The following GPC5 variants were observed in gnomAD, a reference collection of about 807,000 sequenced individuals.
GPC5 encodes the protein glypican-5.
In GPC5, 47 loss-of-function variants were observed where a neutral mutation model predicts 53.9. That is an observed-to-expected ratio of 0.87 (90% CI 0.69 to 1.11). The LOEUF (loss-of-function observed/expected upper bound fraction) is 1.11. GPC5 is among the 50% of genes most tolerant of loss of function. The pLI is 0.00. For missense variants in GPC5, 748 were observed against 713.1 expected, an observed-to-expected ratio of 1.05 and a Z score of -0.56; for synonymous variants, 286 against 263.3, an observed-to-expected ratio of 1.09 and a Z score of -0.84.
At chr13:91,702,796 C>T (rs2036021508) in intron 3 of GPC5, among the ~76,000 whole-genome samples, 1 of 151,950 alleles carries the variant, frequency 6.6e-6, no homozygotes, top group South Asian at 2.1e-4. Flanking sequence ...TTAAGTTCAT[C>T]CTCTTCAATT....
At chr13:92,454,494 T>C (rs1247683442) in intron 7 of GPC5, among the ~76,000 whole-genome samples, 1 of 152,210 alleles carries the variant, frequency 6.6e-6, no homozygotes, top group Non-Finnish European at 1.5e-5. Context: ...AATAACACAT[T>C]CCATGATAAG....
intron 7 of GPC5, among the ~76,000 whole-genome samples, chr13:92,512,116 T>C (rs1270765628): frequency 1.3e-5 from 2 of 152,212 alleles, no homozygotes; most frequent in South Asian, 4.1e-4. Context: ...CCATGAGATA[T>C]TGATGATTTT....
intron 7 of GPC5, among the ~76,000 whole-genome samples, chr13:92,523,126 T>C (rs1407376695): frequency 6.6e-6 from 1 of 152,166 alleles, no homozygotes; most frequent in Non-Finnish European, 1.5e-5. Context: ...TCTTTGATGA[T>C]TGTAAAAGAA....
At chr13:91,799,250 C>A (rs1929925) in intron 5 of GPC5, among the ~76,000 whole-genome samples, 54,696 of 152,010 alleles carry the variant, frequency 0.36, 11,151 homozygotes, top group African/African-American at 0.56. Context: ...CAAATATTGC[C>A]TATTCTCACT....
chr13:92,810,147 A>G (rs1301833412), intron 7 of GPC5, among the ~76,000 whole-genome samples: 2 of 152,014 alleles, frequency 1.3e-5, no homozygotes, highest in African/African-American at 4.8e-5. Context: ...AGGTTATTGA[A>G]AAACCCCTAT....
intron 2 of GPC5, among the ~76,000 whole-genome samples, chr13:91,606,829 A>G (rs1035651800): frequency 2.0e-5 from 3 of 152,016 alleles, no homozygotes; most frequent in East Asian, 3.9e-4. Context: ...TATTGCAACT[A>G]TTTGATTCTT....
chr13:91,537,149 C>T (rs1389275669), intron 2 of GPC5, among the ~76,000 whole-genome samples: 1 of 151,850 alleles, frequency 6.6e-6, no homozygotes, highest in Non-Finnish European at 1.5e-5. Context: ...AAAACAAGAG[C>T]AAACTAAACC....
At chr13:92,424,082 C>T (rs61973604) in intron 7 of GPC5, among the ~76,000 whole-genome samples, 1 of 152,172 alleles carries the variant, frequency 6.6e-6, no homozygotes, top group East Asian at 1.9e-4. Context: ...TGCCCTTTCC[C>T]CTTGAGAAAT....
chr13:92,228,637 A>G (rs1275262611), intron 7 of GPC5, among the ~76,000 whole-genome samples: 1 of 152,180 alleles, frequency 6.6e-6, no homozygotes, highest in African/African-American at 2.4e-5. Context: ...ATCTATACCC[A>G]TTTAATTTAT....
intron 7 of GPC5, among the ~76,000 whole-genome samples, chr13:92,603,021 G>A (rs1884132229): frequency 6.6e-6 from 1 of 152,134 alleles, no homozygotes; most frequent in Non-Finnish European, 1.5e-5. Context: ...GCCTGCCTAG[G>A]AAGCCCATCT....
At chr13:92,234,582 G>A (rs1404904460) in intron 7 of GPC5, among the ~76,000 whole-genome samples, 3 of 151,828 alleles carry the variant, frequency 2.0e-5, no homozygotes, top group Non-Finnish European at 2.9e-5. Context: ...GGGCTGGGGG[G>A]CAATACATTG....
intron 7 of GPC5, among the ~76,000 whole-genome samples, chr13:92,804,236 G>A (rs1433344863): frequency 6.6e-6 from 1 of 151,866 alleles, no homozygotes; most frequent in Non-Finnish European, 1.5e-5. Flanking sequence ...ATTCTATTAA[G>A]AGGCAGCAAG....
chr13:91,907,769 AT>A (rs1451862155), intron 5 of GPC5, among the ~76,000 whole-genome samples, 167 bp from the exon 6 acceptor site: 1 of 151,878 alleles, frequency 6.6e-6, no homozygotes, highest in African/African-American at 2.4e-5. Flanking sequence ...GCATTTTAGC[AT>A]TTTTCCTGGA....
At chr13:91,582,531 A>G (rs756722463) in intron 2 of GPC5, among the ~76,000 whole-genome samples, 8 of 152,194 alleles carry the variant, frequency 5.3e-5, no homozygotes, top group Non-Finnish European at 1.0e-4. Context: ...GAAATATCAA[A>G]CACAAACTTG....
chr13:91,706,667 C>A (rs342691), intron 3 of GPC5, among the ~76,000 whole-genome samples: 6,083 of 151,998 alleles, frequency 0.04, 160 homozygotes, highest in Middle Eastern at 0.12. Flanking sequence ...AACTTGAATT[C>A]ATTTAACTGC....
intron 6 of GPC5, among the ~76,000 whole-genome samples, chr13:92,129,863 T>A (rs1384637162): frequency 2.0e-5 from 3 of 152,034 alleles, no homozygotes; most frequent in Non-Finnish European, 2.9e-5. Context: ...TATAACTGAA[T>A]TGGACATAAA....
In GPC5 at chr13:92,649,338, A is replaced by G. The variant is rs1437865629; in HGVS notation, c.1562-216944A>G. On this transcript the variant is annotated intron_variant, in intron 7 of 7. Coordinates refer to ENST00000377067, the MANE Select transcript of GPC5 (RefSeq NM_004466.6). ...ATAATTTGATTCTTGCCAATAATAA[A>G]TCTGTCCATCATAGTAAGTGATGCT... Among the ~76,000 whole-genome samples, 5 of 152,180 alleles carry G rather than the reference A, an allele frequency of 3.3e-5. No individual in the cohort carries two copies. In the South Asian group the frequency reaches 1.0e-3, roughly 32 times the overall value.
intron 7 of GPC5, among the ~76,000 whole-genome samples, chr13:92,445,930 G>T (rs1420988272): frequency 1.3e-5 from 2 of 151,956 alleles, no homozygotes; most frequent in Non-Finnish European, 2.9e-5. Context: ...GTGCCAGGCA[G>T]TATCATTGGT....
intron 7 of GPC5, among the ~76,000 whole-genome samples, chr13:92,319,396 T>C (rs1402951813): frequency 7.5e-6 from 1 of 132,934 alleles, no homozygotes; most frequent in African/African-American, 3.0e-5. Context: ...CCCATGATAA[T>C]GCATCTCTGA....
Sources: allele counts gnomAD v4.1 joint callset (sites outside exome capture counted in the v4.1 genomes callset), GRCh38; gene constraint gnomAD v4.1.1; transcripts MANE v1.5; gene names NCBI Gene and HGNC (gene_info 2026-07-23, HGNC 2026-07-21).